The following SRFBP1 variants were observed in gnomAD, a reference collection of about 807,000 sequenced individuals.
The protein encoded by SRFBP1 is serum response factor-binding protein 1.
Under a neutral mutation model 45.5 loss-of-function variants are expected in SRFBP1, and 47 were observed. The observed-to-expected ratio is 1.03, with a 90% CI of 0.82 to 1.32. The LOEUF (loss-of-function observed/expected upper bound fraction) is 1.32, where lower values mean the gene tolerates loss of function less well. Ranked by LOEUF, SRFBP1 falls within the 40% of genes most tolerant of loss-of-function variation. The probability of loss-of-function intolerance (pLI) is 0.00; values close to 1 mark genes in which losing one functional copy is unlikely to be tolerated. For synonymous variants in SRFBP1, 203 were observed against 166.3 expected, an observed-to-expected ratio of 1.22 and a Z score of -1.70; for missense variants, 621 against 484.6, an observed-to-expected ratio of 1.28 and a Z score of -2.64.
intron 7 of SRFBP1, among the ~76,000 whole-genome samples, chr5:122,026,704 G>A (rs1324579981): frequency 6.6e-6 from 1 of 152,020 alleles, no homozygotes; most frequent in Non-Finnish European, 1.5e-5. Context: ...AAATTAAGAG[G>A]CACTCAATAA....
intron 3 of SRFBP1, among the ~76,000 whole-genome samples, chr5:121,992,377 C>T (rs920628142): frequency 5.9e-5 from 9 of 151,884 alleles, no homozygotes; most frequent in African/African-American, 2.2e-4. Context: ...CCCACACTTT[C>T]GTTTTTTTGT....
intron 4 of SRFBP1, among the ~76,000 whole-genome samples, chr5:122,014,142 A>G (rs185564985): frequency 6.6e-5 from 10 of 152,304 alleles, no homozygotes; most frequent in East Asian, 3.9e-4. Flanking sequence ...TTTGTACTCT[A>G]TAAGTGTCTA....
intron 3 of SRFBP1, among the ~76,000 whole-genome samples, chr5:121,979,978 T>A (rs1340864083): frequency 6.6e-6 from 1 of 152,100 alleles, no homozygotes; most frequent in African/African-American, 2.4e-5. Context: ...ATAAGGACCC[T>A]CCTCCTAACA....
chr5:122,015,185 G>A (rs1753172446), intron 4 of SRFBP1, among the ~76,000 whole-genome samples: 2 of 152,164 alleles, frequency 1.3e-5, no homozygotes, highest in African/African-American at 2.4e-5. Context: ...TGTTGTCATT[G>A]TTTTTACATA....
intron 2 of SRFBP1, among the ~76,000 whole-genome samples, chr5:122,051,992 C>A (rs896832192): frequency 5.9e-5 from 9 of 152,236 alleles, no homozygotes; most frequent in African/African-American, 2.2e-4. Flanking sequence ...GATCTTATTT[C>A]TCCTCCACTC....
At chr5:122,077,988 C>T, downstream of SRFBP1, 10 of 1,446,190 alleles carry the variant, frequency 6.9e-6, no homozygotes, top group Non-Finnish European at 9.1e-6. The surrounding 1 kb of genome is among the most constrained non-coding windows in gnomAD (Gnocchi z 4.9). Context: ...AAGCGCATCA[C>T]TCCTTTTGCC....
chr5:121,999,731 T>G (rs1752817146), intron 4 of SRFBP1, among the ~76,000 whole-genome samples: 1 of 152,138 alleles, frequency 6.6e-6, no homozygotes, highest in South Asian at 2.1e-4. Flanking sequence ...GAAGTCTATC[T>G]TGTCTGAAAT....
chr5:122,077,146 C>G (rs576973224), downstream of SRFBP1: 69 of 1,469,754 alleles, frequency 4.7e-5, no homozygotes, highest in African/African-American at 9.0e-4. The surrounding 1 kb of genome is among the most constrained non-coding windows in gnomAD (Gnocchi z 4.9). Flanking sequence ...GAACTGGGGA[C>G]GCCCGGGACT....
At chr5:122,012,554 A>T (rs1753118105) in intron 4 of SRFBP1, among the ~76,000 whole-genome samples, 1 of 152,076 alleles carries the variant, frequency 6.6e-6, no homozygotes, top group Non-Finnish European at 1.5e-5. Flanking sequence ...TACTCCCGTA[A>T]TTGCAAGCAA....
Position 122,027,267 on chromosome 5 carries a change from C to T in SRFBP1, c.*141C>T, listed in dbSNP as rs1315872346. The T allele has an allele frequency of 4.8e-6, 3 of 630,804 alleles. No individual in the cohort carries two copies. The highest frequency in any genetic ancestry group is 1.9e-5 in the African/African-American group (1 of 53,164). The allele number at this position is 630,804 out of a possible 1,614,324, so 39.1% of individuals were successfully genotyped here. Reference sequence around the variant, plus strand: ...CCTCAAACTCCTGGGCTCAAGTGATCCTCCCACCTCTGCCTCCCAAAGGGC... The same window carrying T: ...CCTCAAACTCCTGGGCTCAAGTGATTCTCCCACCTCTGCCTCCCAAAGGGC... On this transcript the variant is annotated 3_prime_UTR_variant, in exon 8 of 8. Transcript: ENST00000339397.
intron 3 of SRFBP1, among the ~76,000 whole-genome samples, chr5:121,988,006 A>G (rs1752550114): frequency 1.3e-5 from 2 of 152,168 alleles, no homozygotes; most frequent in Admixed American, 6.5e-5. Flanking sequence ...GGGATTACCT[A>G]ATTTTGACTT....
intron 2 of SRFBP1, among the ~76,000 whole-genome samples, chr5:122,035,767 A>T (rs1341528063): frequency 1.3e-5 from 2 of 152,196 alleles, no homozygotes; most frequent in Non-Finnish European, 2.9e-5. Context: ...CTTATGTAAG[A>T]GAGCCTACCC....
chr5:122,045,126 A>G (rs1251026349), intron 2 of SRFBP1, among the ~76,000 whole-genome samples: 1 of 152,136 alleles, frequency 6.6e-6, no homozygotes, highest in Non-Finnish European at 1.5e-5. Context: ...TCCTATCCAC[A>G]TTGCTTGTTT....
chr5:121,966,624 A>G (rs1752075092), intron 1 of SRFBP1, among the ~76,000 whole-genome samples: 1 of 152,244 alleles, frequency 6.6e-6, no homozygotes, highest in African/African-American at 2.4e-5. Context: ...AACTAGAGCT[A>G]GATTTTCTCA....
At chr5:121,967,035 C>T (rs1046648411) in intron 1 of SRFBP1, among the ~76,000 whole-genome samples, 2 of 149,676 alleles carry the variant, frequency 1.3e-5, no homozygotes, top group South Asian at 2.1e-4. Flanking sequence ...CCTCGTGATC[C>T]GCCTGCCTCA....
downstream of SRFBP1, chr5:122,077,956 G>A (rs200980580): frequency 4.9e-5 from 72 of 1,477,066 alleles, 1 homozygote; most frequent in Middle Eastern, 1.1e-3. The surrounding 1 kb of genome is among the most constrained non-coding windows in gnomAD (Gnocchi z 4.9). Flanking sequence ...GCAAAGGCCC[G>A]AGCAGGAGCA....
intron 3 of SRFBP1, among the ~76,000 whole-genome samples, chr5:121,986,631 T>C (rs900581092): frequency 1.3e-5 from 2 of 152,058 alleles, no homozygotes; most frequent in Non-Finnish European, 2.9e-5. Context: ...GTAGCCCCTT[T>C]AAGCCAGCCT....
chr5:122,023,723 A>G (rs1413363855), intron 7 of SRFBP1, among the ~76,000 whole-genome samples: 1 of 152,116 alleles, frequency 6.6e-6, no homozygotes. Context: ...ATATAAAATG[A>G]TGAAGATTGT....
At chr5:121,966,873 G>T (rs1290910416) in intron 1 of SRFBP1, among the ~76,000 whole-genome samples, 1 of 151,064 alleles carries the variant, frequency 6.6e-6, no homozygotes, top group Non-Finnish European at 1.5e-5. Context: ...TCCACCTCCT[G>T]GGTTCACGCC....
Sources: allele counts gnomAD v4.1 joint callset (sites outside exome capture counted in the v4.1 genomes callset), GRCh38; gene constraint gnomAD v4.1.1; non-coding constraint Gnocchi (gnomAD v3.1); transcripts MANE v1.5; gene names NCBI Gene and HGNC (gene_info 2026-07-23, HGNC 2026-07-21).